CYB5R3: variants seen among roughly 807,000 people sequenced by gnomAD.
CYB5R3 encodes NADH-cytochrome b5 reductase 3.
Under a neutral mutation model 36.5 loss-of-function variants are expected in CYB5R3, and 28 were observed. The ratio of observed to expected loss-of-function variants is 0.77; its 90% CI spans 0.57 to 1.05. CYB5R3 has a LOEUF of 1.05. Among genes scored for constraint, CYB5R3 ranks in the 50% least tolerant of loss-of-function variants. The pLI, the probability that CYB5R3 is intolerant of heterozygous loss-of-function variation, is 0.00. For synonymous variants in CYB5R3, 181 were observed against 159.8 expected (o/e 1.13, Z -1.00); for missense variants, 474 against 408.9 (o/e 1.16, Z -1.37).
At chr22:42,642,246 GGGCTACA>G (rs563095271) in intron 1 of CYB5R3, among the ~76,000 whole-genome samples, 62 of 151,754 alleles carry the variant, frequency 4.1e-4, no homozygotes, top group Admixed American at 7.2e-4. Flanking sequence ...GAAGTAACTG[GGGCTACA>G]GGCACGTACC....
At position 42,618,614 on chromosome 22, in the gene CYB5R3, G is replaced by A. The variant is rs1274506273; in HGVS notation, c.*1159C>T. 6.6e-6 allele frequency: 1 copy of A among 150,948 alleles called. No homozygotes were observed. Among genetic ancestry groups the A allele is most frequent in the Non-Finnish European group, 1.5e-5 (1 of 67,924 alleles). 9.4% of individuals were successfully genotyped at this position (150,948 alleles called of 1,614,324 possible). A position where few individuals can be genotyped will look rare whatever the true frequency, so the allele number is the denominator to read the frequency against. ...TTTAGTCCCAGCTACTCGGGAGGCTGAGGCAGGAGAATCGCTTGAACCCGA... is the reference window on the plus strand; with the variant it reads ...TTTAGTCCCAGCTACTCGGGAGGCTAAGGCAGGAGAATCGCTTGAACCCGA... On this transcript the variant is annotated 3_prime_UTR_variant, in exon 9 of 9. Coordinates refer to ENST00000352397, the MANE Select transcript of CYB5R3 (RefSeq NM_000398.7).
At chr22:42,631,042 C>A in intron 3 of CYB5R3, 54 bp from the exon 4 acceptor site, 2 of 1,518,950 alleles carry the variant, frequency 1.3e-6, no homozygotes, top group Non-Finnish European at 9.1e-7. Flanking sequence ...CGGGTGACCC[C>A]TGGGTCTTGT....
In CYB5R3 at chr22:42,640,021, G is replaced by A. The variant is rs753691222; in HGVS notation, c.22-3175C>T. 1.6e-5 allele frequency: 26 copies of A among 1,613,202 alleles called. No homozygotes were observed. The highest frequency in any genetic ancestry group is 1.3e-4 in the East Asian group (6 of 44,892). The stretch of plus-strand genomic sequence containing the variant: ...TGTGATCTCTCTGACATAAAACCAC[G>A]TCGACACCTCAGTGGCCACCAAACC... On this transcript the variant is annotated intron_variant, in intron 1 of 8. Coordinates refer to ENST00000352397, the MANE Select transcript of CYB5R3 (RefSeq NM_000398.7).
In CYB5R3 at chr22:42,619,751, G is replaced by A; in HGVS notation, c.*22C>T. ...GGGCGTGGGGTGCGCGGGGCGGGTG[G>A]CCGTGTGACCGTGCCCGGCCCTCAG... On this transcript the variant is annotated 3_prime_UTR_variant, in exon 9 of 9. Transcript: ENST00000352397. 1 of 1,552,784 alleles carries A rather than the reference G, an allele frequency of 6.4e-7. No individual in the cohort carries two copies. The highest frequency in any genetic ancestry group is 2.3e-5 in the East Asian group (1 of 42,584).
At chr22:42,646,217 A>C (rs1317483723) in intron 1 of CYB5R3, among the ~76,000 whole-genome samples, 1 of 152,144 alleles carries the variant, frequency 6.6e-6, no homozygotes, top group Non-Finnish European at 1.5e-5. Context: ...ACTCACACAC[A>C]CACTCACACA....
rs1036438183 is a variant in CYB5R3, at chr22:42,628,260, G to C, written c.355C>G (p.Pro119Ala). 3.1e-6 allele frequency: 5 copies of C among 1,613,936 alleles called. No homozygotes were observed. The highest frequency in any genetic ancestry group is 4.2e-6 in the Non-Finnish European group (5 of 1,179,970). Reference sequence around the variant, plus strand: ...ATCTTCCCTCCAGCGGGAAACTTGGGATGGGTGTCCTTGAAGTAAACCTGC... The same window carrying C: ...ATCTTCCCTCCAGCGGGAAACTTGGCATGGGTGTCCTTGAAGTAAACCTGC... The part of the protein sequence containing the change: ...VIKVYFKDTH[P>A]KFPAGGKMSQ... The change falls in exon 5 of 9, where the codon CCC (proline) becomes GCC (alanine). Residue 119 changes from proline (P) to alanine (A), a missense_variant. By Grantham distance (27) the Pro-to-Ala change is conservative. Coordinates refer to ENST00000352397, the MANE Select transcript of CYB5R3 (RefSeq NM_000398.7).
intron 2 of CYB5R3, among the ~76,000 whole-genome samples, chr22:42,634,805 T>A (rs1928803719): frequency 1.0e-5 from 1 of 97,252 alleles, no homozygotes; most frequent in Non-Finnish European, 2.1e-5. Flanking sequence ...TTCATATTGA[T>A]TGATTGATTG....
chr22:42,624,731 G>A (rs975819915), intron 7 of CYB5R3, among the ~76,000 whole-genome samples: 2 of 152,044 alleles, frequency 1.3e-5, no homozygotes, highest in African/African-American at 4.8e-5. Context: ...GAAACCAGGG[G>A]CCAAAGAGCG....
At chr22:42,623,956 A>G (rs1601929885) in intron 7 of CYB5R3, 68 bp from the exon 8 acceptor site, 1 of 1,411,102 alleles carries the variant, frequency 7.1e-7, no homozygotes, top group Admixed American at 1.7e-5. Flanking sequence ...CACTCAACAG[A>G]GACGCGCCTC....
At chr22:42,626,385 C>T (rs8190453) in intron 7 of CYB5R3, among the ~76,000 whole-genome samples, 2 of 152,114 alleles carry the variant, frequency 1.3e-5, no homozygotes, top group African/African-American at 2.4e-5. Context: ...ACAGTCAAGC[C>T]CCTCCCGGAG....
rs1424724200 is a variant in CYB5R3, at chr22:42,619,543, C to T, written c.*230G>A. 1.0e-5 allele frequency: 6 copies of T among 584,780 alleles called. No individual in the cohort carries two copies. The highest frequency in any genetic ancestry group is 1.2e-5 in the Non-Finnish European group (4 of 327,106). The allele number at this position is 584,780 out of a possible 1,614,324, so 36.2% of individuals were successfully genotyped here. A position where few individuals can be genotyped will look rare whatever the true frequency, so the allele number is the denominator to read the frequency against. The stretch of plus-strand genomic sequence containing the variant: ...GGGGCTGGGCGTCTCTGGTAAGGAC[C>T]AGTAAGTGCCAGGCAGGACGTACTC... On this transcript the variant is annotated 3_prime_UTR_variant, in exon 9 of 9. Transcript: ENST00000352397.
intron 8 of CYB5R3, among the ~76,000 whole-genome samples, chr22:42,621,740 C>G (rs1196068575): frequency 6.6e-6 from 1 of 152,246 alleles, no homozygotes; most frequent in Non-Finnish European, 1.5e-5. Context: ...GACCAGGCCT[C>G]GCTCTGGCCA....
chr22:42,630,925 A>C lies in CYB5R3; in HGVS notation c.290T>G (p.Ile97Ser), dbSNP rs773257371. The C allele has an allele frequency of 6.2e-7, 1 of 1,613,936 alleles. No individual in the cohort carries two copies. Among genetic ancestry groups the C allele is most frequent in the East Asian group, 2.2e-5 (1 of 44,876 alleles). Residue 97 changes from isoleucine to serine, a missense_variant, in exon 4 of 9, where the codon ATC becomes AGC. Physicochemically the swap from Ile to Ser is moderately radical, Grantham distance 142 (BLOSUM62 -2). Coordinates refer to ENST00000352397, the MANE Select transcript of CYB5R3 (RefSeq NM_000398.7). ...GNLVVRPYTP[I>S]SSDDDKGFVD... is the part of the protein sequence containing the mutation. Reference sequence around the variant, plus strand: ...GAAGCCCTTGTCATCATCGCTGGAGATGGGTGTATAGGGCCGGACGACCAG... The same window carrying C: ...GAAGCCCTTGTCATCATCGCTGGAGCTGGGTGTATAGGGCCGGACGACCAG...
intron 1 of CYB5R3, among the ~76,000 whole-genome samples, chr22:42,646,412 T>C (rs1601953186): frequency 6.6e-6 from 1 of 152,272 alleles, no homozygotes; most frequent in Admixed American, 6.5e-5. Context: ...CCCCAGCTCA[T>C]GCACCATAGC....
At chr22:42,628,844 G>C (rs180797263) in intron 4 of CYB5R3, among the ~76,000 whole-genome samples, 161 of 152,296 alleles carry the variant, frequency 1.1e-3, no homozygotes, top group African/African-American at 3.8e-3. Context: ...GAGTCTGATG[G>C]ATGGAGAAGG....
In CYB5R3 at chr22:42,619,465, CT is replaced by C. The variant is rs2146858674; in HGVS notation, c.*307del. 1 of 375,800 alleles carries C rather than the reference CT, an allele frequency of 2.7e-6. No individual in the cohort carries two copies. Among genetic ancestry groups the C allele is most frequent in the African/African-American group, 2.0e-5 (1 of 49,308 alleles). 23.3% of individuals were successfully genotyped at this position (375,800 alleles called of 1,614,324 possible). A position where few individuals can be genotyped will look rare whatever the true frequency, so the allele number is the denominator to read the frequency against. ...TGGGCAGACGGGGCTGCTGGCAGCC[CT>C]CAGCCTTATAGTGTGTGTGGGGGGT... On this transcript the variant is annotated 3_prime_UTR_variant, in exon 9 of 9. Coordinates refer to ENST00000352397, the MANE Select transcript of CYB5R3 (RefSeq NM_000398.7).
rs931705469 is a variant in CYB5R3, at chr22:42,619,886, G to T, written c.793C>A (p.Pro265Thr). 4.4e-6 allele frequency: 7 copies of T among 1,608,380 alleles called. No homozygotes were observed. The highest frequency in any genetic ancestry group is 5.9e-6 in the Non-Finnish European group (7 of 1,177,754). The change falls in exon 9 of 9, where the codon CCA becomes ACA. Residue 265 changes from proline (P) to threonine (T), a missense_variant. Coordinates refer to ENST00000352397, the MANE Select transcript of CYB5R3 (RefSeq NM_000398.7). ...ATCAGCACCAGCGGCTCCTCCTCTG[G>T]GGGTGGAAGGTGGTCCCGGATCATC... ...EEMIRDHLPPPEEEPLVLMCG... is the reference protein window; with the variant it reads ...EEMIRDHLPPTEEEPLVLMCG...
rs1189747308 is a variant in CYB5R3, at chr22:42,619,202, T to C, written c.*571A>G. Reference sequence around the variant, plus strand: ...CCCATGGCCAGCCCCCTCTTCCCACTCTAGCCAGAGGAGAGCCAAGCTCCC... The same window carrying C: ...CCCATGGCCAGCCCCCTCTTCCCACCCTAGCCAGAGGAGAGCCAAGCTCCC... On this transcript the variant is annotated 3_prime_UTR_variant, in exon 9 of 9. Transcript: ENST00000352397. 2 of 154,530 alleles carry C rather than the reference T, an allele frequency of 1.3e-5. No homozygotes were observed. The highest frequency in any genetic ancestry group is 4.8e-5 in the African/African-American group (2 of 41,496). The allele number at this position is 154,530 out of a possible 1,614,324, so 9.6% of individuals were successfully genotyped here.
rs551408347 is a variant in CYB5R3 at position 42,634,515 on chromosome 22, T to C, written c.153+2200A>G. Among the ~76,000 whole-genome samples, 124 of 149,610 alleles carry C rather than the reference T, an allele frequency of 8.3e-4. 2 individuals are homozygous for C. The highest frequency in any genetic ancestry group is 3.7e-4 in the Non-Finnish European group (25 of 67,370). ...AGGCTGGAGTGCAATGGTGTGATCT[T>C]GGCTCACTGCAACCTCTGCCTCCCA... On this transcript the variant is annotated intron_variant, in intron 2 of 8. Transcript: ENST00000352397.
Sources: gnomAD v4.1 joint callset for allele counts (sites outside exome capture counted in the v4.1 genomes callset) on GRCh38, gnomAD v4.1.1 for gene constraint, MANE v1.5 for transcripts, NCBI Gene and HGNC (gene_info 2026-07-23, HGNC 2026-07-21) for gene names.